Variants in RPTOR observed in about 807,000 individuals in gnomAD.
The protein encoded by RPTOR is regulatory-associated protein of mTOR.
In RPTOR, 21 loss-of-function variants were observed where a neutral mutation model predicts 169.9. That is an observed-to-expected ratio of 0.12 (90% confidence interval 0.09 to 0.18). The LOEUF (loss-of-function observed/expected upper bound fraction) is 0.18, where lower values mean the gene tolerates loss of function less well. Among genes scored for constraint, RPTOR ranks in the 10% least tolerant of loss-of-function variants. The pLI is 1.00. For missense variants in RPTOR, 1,133 were observed against 1,855.9 expected, an observed-to-expected ratio of 0.61 and a Z score of 7.16; for synonymous variants, 732 against 753.2, an observed-to-expected ratio of 0.97 and a Z score of 0.46.
intron 4 of RPTOR, among the ~76,000 whole-genome samples, chr17:80,729,055 A>T (rs1054222039): frequency 8.5e-5 from 13 of 152,218 alleles, no homozygotes; most frequent in African/African-American, 3.1e-4. Flanking sequence ...GGTATACTGT[A>T]TCATCATGTC....
chr17:80,963,968 C>T (rs1365304021), intron 33 of RPTOR, among the ~76,000 whole-genome samples: 4 of 152,180 alleles, frequency 2.6e-5, no homozygotes, highest in Non-Finnish European at 5.9e-5. Context: ...AGGCTCCAGG[C>T]ATGTAGCTCT....
intron 3 of RPTOR, among the ~76,000 whole-genome samples, chr17:80,700,691 ATGGTGATGGTGG>A (rs1567864574): frequency 1.4e-4 from 7 of 51,378 alleles, no homozygotes; most frequent in African/African-American, 3.7e-4. Flanking sequence ...GGTGGTGGTG[ATGGTGATGGTGG>A]TGGTGATGGT....
At position 80,696,125 on chromosome 17, in the gene RPTOR, C is replaced by A. The variant is rs139643049; in HGVS notation, c.349-11716C>A. Among the ~76,000 whole-genome samples, 30 of 152,244 alleles carry A rather than the reference C, an allele frequency of 2.0e-4. No individual in the cohort carries two copies. In the East Asian group the frequency reaches 5.8e-3, roughly 29 times the overall value. On this transcript the variant is annotated intron_variant, in intron 3 of 33. Transcript: ENST00000306801. ...CAGCCTGGAGTTCAGGCTTCCTCTC[C>A]CTTTTAAATTTCAAAGACTCAGGGT...
intron 1 of RPTOR, among the ~76,000 whole-genome samples, chr17:80,623,376 A>G (rs904995638): frequency 3.3e-5 from 5 of 152,232 alleles, no homozygotes; most frequent in African/African-American, 1.2e-4. Flanking sequence ...AGAAACTGTT[A>G]TGGGGAAATA....
intron 11 of RPTOR, among the ~76,000 whole-genome samples, chr17:80,849,358 C>G (rs1360003739): frequency 6.6e-6 from 1 of 152,188 alleles, no homozygotes; most frequent in East Asian, 1.9e-4. Flanking sequence ...TCATCAGGTC[C>G]GGCTGATTCG....
At chr17:80,590,220 A>G (rs556798103) in intron 1 of RPTOR, among the ~76,000 whole-genome samples, 8 of 151,232 alleles carry the variant, frequency 5.3e-5, no homozygotes, top group Non-Finnish European at 1.0e-4. Context: ...AGTGTCTTTA[A>G]TGGTTGAGCT....
At chr17:80,799,605 C>T (rs1466519263) in intron 7 of RPTOR, among the ~76,000 whole-genome samples, 2 of 152,174 alleles carry the variant, frequency 1.3e-5, no homozygotes, top group African/African-American at 4.8e-5. Flanking sequence ...TGACGAGTCA[C>T]GTGACGCAAG....
At position 80,850,677 on chromosome 17, in the gene RPTOR, A is replaced by AT. The variant is rs1156585098; in HGVS notation, c.1314+4111dup. Reference sequence around the variant, plus strand: ...TCTATTTGCTCTCTCTCCGTGCATCATTTTTTTTACAAATAGAATGTGGGG... The same window carrying AT: ...TCTATTTGCTCTCTCTCCGTGCATCATTTTTTTTTACAAATAGAATGTGGGG... On this transcript the variant is annotated intron_variant, in intron 11 of 33. Transcript: ENST00000306801. 9.9e-5 allele frequency among the ~76,000 whole-genome samples: 15 copies of AT among 152,178 alleles called. No individual in the cohort carries two copies. In the East Asian group the frequency reaches 2.5e-3, roughly 25 times the overall value.
chr17:80,895,157 A>G (rs2068382399), intron 20 of RPTOR, among the ~76,000 whole-genome samples: 1 of 152,082 alleles, frequency 6.6e-6, no homozygotes, highest in Admixed American at 6.5e-5. Flanking sequence ...ATGGAGCCCC[A>G]CATCCAACAC....
chr17:80,845,481 C>T lies in RPTOR; in HGVS notation c.1213-992C>T, dbSNP rs1282661529. On this transcript the variant is annotated intron_variant, in intron 10 of 33. Coordinates refer to ENST00000306801, the MANE Select transcript of RPTOR (RefSeq NM_020761.3). The surrounding 1 kb of genome is among the most constrained non-coding windows in gnomAD (Gnocchi z 5.4). ...GCCTCTGCCGGGTCCTCCAGCCCTC[C>T]CCCTGCTTCTCTGCATCTGGGCCCC... 1.3e-5 allele frequency among the ~76,000 whole-genome samples: 2 copies of T among 152,070 alleles called. No homozygotes were observed. The highest frequency in any genetic ancestry group is 3.9e-4 in the East Asian group (2 of 5,172).
intron 1 of RPTOR, among the ~76,000 whole-genome samples, chr17:80,583,103 A>T (rs2065029137): frequency 1.3e-5 from 2 of 150,962 alleles, no homozygotes; most frequent in Non-Finnish European, 2.9e-5. Flanking sequence ...TTATACTTTC[A>T]GTACACATAA....
At chr17:80,601,103 C>T (rs539123876) in intron 1 of RPTOR, among the ~76,000 whole-genome samples, 86 of 152,316 alleles carry the variant, frequency 5.6e-4, no homozygotes, top group African/African-American at 1.7e-3. Context: ...CCAGCCCCAT[C>T]GGAGAGGCTG....
rs201445254 is a variant in RPTOR at position 80,611,768 on chromosome 17, T to A, written c.163-13923T>A. Among the ~76,000 whole-genome samples the A allele has an allele frequency of 4.7e-3, 597 of 127,320 alleles. 3 individuals carry two copies. Among genetic ancestry groups the A allele is most frequent in the African/African-American group, 0.01 (318 of 30,660 alleles). 83.5% of individuals were successfully genotyped at this position (127,320 alleles called of 152,430 possible). A position where few individuals can be genotyped will look rare whatever the true frequency, so the allele number is the denominator to read the frequency against. On this transcript the variant is annotated intron_variant, in intron 1 of 33. Coordinates refer to ENST00000306801, the MANE Select transcript of RPTOR (RefSeq NM_020761.3). ...ATCTTTTATAGCTGTTTTTTTTTTTTTAAAAAAAACAAAATCTACTCATTA... is the reference window on the plus strand; with the variant it reads ...ATCTTTTATAGCTGTTTTTTTTTTTATAAAAAAAACAAAATCTACTCATTA...
intron 11 of RPTOR, among the ~76,000 whole-genome samples, chr17:80,849,996 T>C (rs1050197995): frequency 3.9e-5 from 6 of 152,234 alleles, no homozygotes; most frequent in Admixed American, 6.5e-5. Context: ...AGAAAGTGAC[T>C]TTTCTTCTTC....
intron 1 of RPTOR, among the ~76,000 whole-genome samples, chr17:80,619,784 A>G (rs2065341443): frequency 6.6e-6 from 1 of 152,178 alleles, no homozygotes; most frequent in Admixed American, 6.5e-5. Context: ...GAGATGGGGC[A>G]GAGGGATCAC....
intron 20 of RPTOR, among the ~76,000 whole-genome samples, chr17:80,895,574 G>A (rs4969289): frequency 0.73 from 111,578 of 152,138 alleles, 41,235 homozygotes; most frequent in Admixed American, 0.79. Context: ...ACACATAAAC[G>A]GGCACGTGTG....
intron 20 of RPTOR, among the ~76,000 whole-genome samples, chr17:80,904,039 T>C (rs1363596265): frequency 6.6e-6 from 1 of 152,252 alleles, no homozygotes; most frequent in Non-Finnish European, 1.5e-5. Flanking sequence ...GTAGGGGTAC[T>C]GAATATGCTG....
At chr17:80,589,351 A>T (rs60288601) in intron 1 of RPTOR, among the ~76,000 whole-genome samples, 44,744 of 149,700 alleles carry the variant, frequency 0.3, 6,708 homozygotes, top group Middle Eastern at 0.37. Flanking sequence ...CCAGCTTCAC[A>T]CTCCTGTCTC....
chr17:80,567,726 A>G (rs1025982320), intron 1 of RPTOR, among the ~76,000 whole-genome samples: 1 of 151,512 alleles, frequency 6.6e-6, no homozygotes, highest in African/African-American at 2.4e-5. Flanking sequence ...CGGGAGGCGG[A>G]GGTTGCAGCG....
Sources: gnomAD v4.1 joint callset for allele counts (sites outside exome capture counted in the v4.1 genomes callset) on GRCh38, gnomAD v4.1.1 for gene constraint, Gnocchi (gnomAD v3.1) non-coding constraint, MANE v1.5 for transcripts, NCBI Gene and HGNC (gene_info 2026-07-23, HGNC 2026-07-21) for gene names.